Variants in CSMD1 observed in about 807,000 individuals in gnomAD.
CSMD1 encodes the protein CUB and Sushi multiple domains 1.
A neutral mutation model predicts 417.5 loss-of-function variants in CSMD1; 213 were observed. That is an observed-to-expected ratio of 0.51 (90% CI 0.46 to 0.57). The LOEUF (loss-of-function observed/expected upper bound fraction) is 0.57. Among genes scored for constraint, CSMD1 ranks in the 20% least tolerant of loss-of-function variants. The pLI is 0.00. For missense variants in CSMD1, 6,923 were observed against 4,529.7 expected (o/e 1.53, Z -15.17); for synonymous variants, 2,862 against 1,736.8 (o/e 1.65, Z -16.11).
chr8:4,774,849 T>C (rs1340663290), intron 1 of CSMD1, among the ~76,000 whole-genome samples: 2 of 152,174 alleles, frequency 1.3e-5, no homozygotes, highest in Non-Finnish European at 2.9e-5. Context: ...TGTGAAGTGT[T>C]GATTCCTTGT....
chr8:3,778,619 C>T (rs147956013), intron 5 of CSMD1, among the ~76,000 whole-genome samples: 204 of 152,318 alleles, frequency 1.3e-3, no homozygotes, highest in African/African-American at 4.8e-3. Context: ...CTCTGTTCTG[C>T]ACCTCTCCTT....
intron 5 of CSMD1, among the ~76,000 whole-genome samples, chr8:3,974,072 G>A (rs1366618064): frequency 6.6e-6 from 1 of 151,958 alleles, no homozygotes; most frequent in African/African-American, 2.4e-5. Flanking sequence ...GTTGTGCTCT[G>A]AAATGGTAGG....
intron 3 of CSMD1, among the ~76,000 whole-genome samples, chr8:4,165,018 C>A (rs1446149340): frequency 6.6e-6 from 1 of 151,984 alleles, no homozygotes; most frequent in Non-Finnish European, 1.5e-5. Flanking sequence ...ATGTTTTTGT[C>A]CATGACACCT....
At chr8:3,529,679 C>G (rs1797896872) in intron 10 of CSMD1, among the ~76,000 whole-genome samples, 1 of 152,168 alleles carries the variant, frequency 6.6e-6, no homozygotes, top group African/African-American at 2.4e-5. Flanking sequence ...GAAGAGCTTA[C>G]TAAGCAACTC....
chr8:3,569,234 CGATA>C (rs889246511), intron 10 of CSMD1, among the ~76,000 whole-genome samples: 2 of 152,024 alleles, frequency 1.3e-5, no homozygotes, highest in African/African-American at 2.4e-5. Flanking sequence ...GATTTTCTAA[CGATA>C]GATATTTCGT....
intron 1 of CSMD1, among the ~76,000 whole-genome samples, chr8:4,885,578 A>G (rs777676080): frequency 1.3e-5 from 2 of 151,990 alleles, no homozygotes; most frequent in Non-Finnish European, 2.9e-5. Flanking sequence ...TGCATTACTG[A>G]GATGATTAGG....
At chr8:4,260,143 C>T (rs139707966) in intron 3 of CSMD1, among the ~76,000 whole-genome samples, 1 of 152,112 alleles carries the variant, frequency 6.6e-6, no homozygotes, top group Non-Finnish European at 1.5e-5. Context: ...ACCTGATCTA[C>T]AGTGGCTAAG....
In CSMD1 at chr8:3,695,358, CA is replaced by C. The variant is rs142382878; in HGVS notation, c.1009+13055del. On this transcript the variant is annotated intron_variant, in intron 7 of 69. Coordinates refer to ENST00000635120, the MANE Select transcript of CSMD1 (RefSeq NM_033225.6). ...TCCTGTAAGAAATGACAAATAACCA[CA>C]AAAAAAAATAATGACTCAACGTGTC... Among the ~76,000 whole-genome samples, 75 of 150,294 alleles carry C rather than the reference CA, an allele frequency of 5.0e-4. 1 individual carries two copies. The South Asian group carries it at 5.3e-3, about 11-fold the overall frequency.
chr8:4,726,302 G>C (rs1159889604), intron 1 of CSMD1, among the ~76,000 whole-genome samples: 1 of 151,448 alleles, frequency 6.6e-6, no homozygotes, highest in Non-Finnish European at 1.5e-5. Flanking sequence ...GACTAAGTGG[G>C]TAGCGGGTTC....
chr8:4,288,393 C>A (rs1161247109), intron 3 of CSMD1, among the ~76,000 whole-genome samples: 1 of 152,258 alleles, frequency 6.6e-6, no homozygotes, highest in South Asian at 2.1e-4. Context: ...CAAGAATGAC[C>A]TACAAATATC....
chr8:3,780,097 G>A (rs371990381), intron 5 of CSMD1, among the ~76,000 whole-genome samples: 4 of 152,120 alleles, frequency 2.6e-5, no homozygotes, highest in Admixed American at 1.3e-4. Context: ...TGTACCAGTC[G>A]GTGTTGCATT....
At chr8:2,980,737 A>G (rs2128939154) in intron 54 of CSMD1, among the ~76,000 whole-genome samples, 1 of 152,294 alleles carries the variant, frequency 6.6e-6, no homozygotes, top group African/African-American at 2.4e-5. Flanking sequence ...CTTGCCGTGG[A>G]AAGAGGTGCG....
At chr8:4,394,913 G>C (rs1277154154) in intron 3 of CSMD1, among the ~76,000 whole-genome samples, 1 of 152,146 alleles carries the variant, frequency 6.6e-6, no homozygotes, top group Non-Finnish European at 1.5e-5. Context: ...TTCCTCTACA[G>C]CAGGTGCACT....
At chr8:3,340,421 G>A (rs1251247221) in intron 23 of CSMD1, among the ~76,000 whole-genome samples, 2 of 151,984 alleles carry the variant, frequency 1.3e-5, no homozygotes, top group African/African-American at 4.8e-5. Context: ...TTTACTCTCT[G>A]TTGACATTTT....
At chr8:2,964,458 G>A (rs919501063) in intron 59 of CSMD1, among the ~76,000 whole-genome samples, 5 of 152,228 alleles carry the variant, frequency 3.3e-5, no homozygotes, top group African/African-American at 1.2e-4. Flanking sequence ...TCCCCTGGGG[G>A]CAGGGGGAAT....
intron 2 of CSMD1, among the ~76,000 whole-genome samples, chr8:4,613,306 T>A (rs181838923): frequency 6.6e-6 from 1 of 152,300 alleles, no homozygotes; most frequent in East Asian, 1.9e-4. Context: ...CCCATTGCAC[T>A]AGAGTAGACA....
chr8:4,609,413 G>C (rs776437915), intron 2 of CSMD1, among the ~76,000 whole-genome samples: 2 of 152,070 alleles, frequency 1.3e-5, no homozygotes, highest in South Asian at 2.1e-4. Flanking sequence ...AAAAACAAAA[G>C]AGATGAAAGC....
chr8:4,621,670 A>AT (rs969299537), intron 2 of CSMD1, among the ~76,000 whole-genome samples: 35 of 152,140 alleles, frequency 2.3e-4, no homozygotes, highest in African/African-American at 7.5e-4. Flanking sequence ...AGTTCTGCTC[A>AT]TTTTTTTAAT....
At chr8:4,161,529 G>C (rs917009723) in intron 3 of CSMD1, among the ~76,000 whole-genome samples, 3 of 152,168 alleles carry the variant, frequency 2.0e-5, no homozygotes, top group Non-Finnish European at 4.4e-5. Context: ...AACACGCAAA[G>C]TCCACTGTGC....
Sources: allele counts gnomAD v4.1 joint callset (sites outside exome capture counted in the v4.1 genomes callset), GRCh38; gene constraint gnomAD v4.1.1; transcripts MANE v1.5; gene names NCBI Gene and HGNC (gene_info 2026-07-23, HGNC 2026-07-21).